UACA: variants seen among roughly 807,000 people sequenced by gnomAD.
The protein encoded by UACA is uveal autoantigen with coiled-coil domains and ankyrin repeats.
In UACA, 112 loss-of-function variants were observed where a neutral mutation model predicts 160.5. The observed-to-expected ratio is 0.70, with a 90% confidence interval of 0.60 to 0.82. The LOEUF (loss-of-function observed/expected upper bound fraction) is 0.82. UACA is among the 40% of genes least tolerant of loss of function. UACA has a pLI of 0.00. For synonymous variants in UACA, 557 were observed against 568.4 expected, an observed-to-expected ratio of 0.98 and a Z score of 0.29; for missense variants, 1,574 against 1,614.6, an observed-to-expected ratio of 0.97 and a Z score of 0.43.
At chr15:70,658,400 A>G (rs1371498754) in intron 18 of UACA, among the ~76,000 whole-genome samples, 1 of 152,162 alleles carries the variant, frequency 6.6e-6, no homozygotes, top group African/African-American at 2.4e-5. Flanking sequence ...GTACTACAAA[A>G]TTTCCCTCTA....
At chr15:70,677,510 C>T (rs1015556145) in intron 11 of UACA, among the ~76,000 whole-genome samples, 4 of 152,028 alleles carry the variant, frequency 2.6e-5, no homozygotes, top group South Asian at 2.1e-4. Flanking sequence ...TAAAGTGATA[C>T]GGAAAATTAG....
chr15:70,735,747 C>T (rs534925182), intron 1 of UACA, among the ~76,000 whole-genome samples: 56 of 152,260 alleles, frequency 3.7e-4, no homozygotes, highest in Admixed American at 3.3e-3. Context: ...GCAATCATGA[C>T]TCTCTGCAGC....
At chr15:70,769,087 G>A in the UACA span, among the ~76,000 whole-genome samples, 6 of 151,956 alleles carry the variant, frequency 3.9e-5, no homozygotes, top group South Asian at 4.1e-4. Flanking sequence ...GGCCCGGCGC[G>A]GTGGCTCACA....
the UACA span, among the ~76,000 whole-genome samples, chr15:70,778,348 A>G: frequency 1.3e-5 from 2 of 152,272 alleles, no homozygotes; most frequent in Admixed American, 1.3e-4. Flanking sequence ...TCTGTAAGTT[A>G]GAAGTCTAAC....
chr15:70,656,769 C>T lies in UACA; in HGVS notation c.*287G>A, dbSNP rs889707263. ...GCTTCATATGGACTCACTCAGATGG[C>T]TCATGTTTTATTAGGGACTTGAAGG... On this transcript the variant is annotated 3_prime_UTR_variant, in exon 19 of 19. Coordinates refer to ENST00000322954, the MANE Select transcript of UACA (RefSeq NM_018003.4). 3.6e-6 allele frequency: 1 copy of T among 274,508 alleles called. No homozygotes were observed. The highest frequency in any genetic ancestry group is 7.8e-5 in the South Asian group (1 of 12,852). The allele number at this position is 274,508 out of a possible 1,614,324, so 17.0% of individuals were successfully genotyped here.
At chr15:70,718,323 A>AGTGTGTGTGT (rs1491099807) in intron 1 of UACA, among the ~76,000 whole-genome samples, 45 of 15,586 alleles carry the variant, frequency 2.9e-3, no homozygotes, top group Non-Finnish European at 4.7e-3. Context: ...AGAGAGAGAG[A>AGTGTGTGTGT]ATGTGTGTGT....
intron 2 of UACA, among the ~76,000 whole-genome samples, chr15:70,698,051 CAAAAAAAT>C (rs1317104814): frequency 6.6e-6 from 1 of 151,214 alleles, no homozygotes; most frequent in Non-Finnish European, 1.5e-5. Context: ...AACTCTGTCT[CAAAAAAAT>C]AAAAAAATAA....
intron 1 of UACA, among the ~76,000 whole-genome samples, chr15:70,704,807 G>A (rs1289468368): frequency 3.3e-5 from 5 of 151,992 alleles, no homozygotes; most frequent in Non-Finnish European, 5.9e-5. Flanking sequence ...TAAATTTAAA[G>A]TTGTTTAATT....
intron 7 of UACA, among the ~76,000 whole-genome samples, chr15:70,685,220 A>G (rs950524739): frequency 5.3e-5 from 8 of 152,164 alleles, no homozygotes; most frequent in South Asian, 2.1e-4. Context: ...AACATCTCAC[A>G]GTACATCAGC....
chr15:70,694,103 CA>C (rs1473936499), intron 3 of UACA, among the ~76,000 whole-genome samples: 1 of 152,062 alleles, frequency 6.6e-6, no homozygotes, highest in East Asian at 1.9e-4. Flanking sequence ...AACTAACAAA[CA>C]AAAGCCTTTT....
In UACA at chr15:70,669,174, T is replaced by G; in HGVS notation, c.1510A>C (p.Lys504Gln). 6.2e-7 allele frequency: 1 copy of G among 1,614,064 alleles called. No homozygotes were observed. Among genetic ancestry groups the G allele is most frequent in the East Asian group, 2.2e-5 (1 of 44,864 alleles). The change falls in exon 16 of 19, where the codon AAG becomes CAG. Residue 504 changes from lysine (K) to glutamine (Q), a missense_variant. Physicochemically the swap from Lys to Gln is moderately conservative, Grantham distance 53 (BLOSUM62 1). Coordinates refer to ENST00000322954, the MANE Select transcript of UACA (RefSeq NM_018003.4). ...TTACCTTCTGACTCATACATCCTCTTCTGCACATCTTTTAATGCATCTTCT... is the reference window on the plus strand; with the variant it reads ...TTACCTTCTGACTCATACATCCTCTGCTGCACATCTTTTAATGCATCTTCT... ...QLEDALKDVQ[K>Q]RMYESEGKVK...
At chr15:70,712,071 C>CATATATATATATATAT (rs1487784734) in intron 1 of UACA, among the ~76,000 whole-genome samples, 13 of 125,064 alleles carry the variant, frequency 1.0e-4, no homozygotes, top group South Asian at 2.6e-4. Context: ...TATATATCTC[C>CATATATATATATATAT]ATATACCTTC....
rs1044554760 is a variant in UACA, at chr15:70,657,086, G to A, written c.4221C>T (p.Ile1407=). 2.5e-6 allele frequency: 4 copies of A among 1,614,160 alleles called. No individual in the cohort carries two copies. Among genetic ancestry groups the A allele is most frequent in the East Asian group, 2.2e-5 (1 of 44,884 alleles). The change falls in exon 19 of 19, where the codon ATC becomes ATT. Residue 1407 remains isoleucine (I), a synonymous_variant. Coordinates refer to ENST00000322954, the MANE Select transcript of UACA (RefSeq NM_018003.4). ...ACACAAGCCCCTGCCGCATTTGTAT[G>A]ATCTGGAGCAGAGCCTCCTGAACAT... ...DEDVQEALLQ[I]IQMRQGLVC is the part of the protein sequence containing the mutation.
intron 1 of UACA, among the ~76,000 whole-genome samples, chr15:70,700,649 C>T (rs996921295): frequency 3.9e-5 from 6 of 151,922 alleles, no homozygotes; most frequent in East Asian, 1.9e-4. Context: ...AGAGAAAATA[C>T]ATTCAAGGTA....
intron 13 of UACA, 29 bp from the exon 14 acceptor site, chr15:70,672,030 G>A (rs775109987): frequency 1.9e-6 from 3 of 1,572,972 alleles, no homozygotes; most frequent in South Asian, 2.4e-5. Flanking sequence ...AATATTTTAG[G>A]GTGAATGCTG....
chr15:70,714,051 A>G (rs1195561151), intron 1 of UACA, among the ~76,000 whole-genome samples: 2 of 152,120 alleles, frequency 1.3e-5, no homozygotes, highest in Non-Finnish European at 2.9e-5. Flanking sequence ...CAAAACACCT[A>G]ATTAAAAAAG....
intron 1 of UACA, among the ~76,000 whole-genome samples, chr15:70,747,510 C>T (rs1207709240): frequency 6.6e-6 from 1 of 152,098 alleles, no homozygotes; most frequent in Admixed American, 6.5e-5. Flanking sequence ...GCGGGGACTA[C>T]AAACACACCT....
intron 2 of UACA, among the ~76,000 whole-genome samples, chr15:70,697,118 T>C (rs935879615): frequency 2.0e-5 from 3 of 152,198 alleles, no homozygotes; most frequent in Admixed American, 2.0e-4. Context: ...TAACAGGAGA[T>C]ATATGTAACC....
At chr15:70,743,694 T>C (rs1595919690) in intron 1 of UACA, among the ~76,000 whole-genome samples, 1 of 152,186 alleles carries the variant, frequency 6.6e-6, no homozygotes, top group Admixed American at 6.5e-5. Context: ...TTTAACAAAA[T>C]TGTCATTTTG....
Sources: gnomAD v4.1 joint callset for allele counts (sites outside exome capture counted in the v4.1 genomes callset) on GRCh38, gnomAD v4.1.1 for gene constraint, MANE v1.5 for transcripts, NCBI Gene and HGNC (gene_info 2026-07-23, HGNC 2026-07-21) for gene names.